PHF14: variants seen among roughly 807,000 people sequenced by gnomAD.
PHF14 encodes PHD finger protein 14.
In PHF14, 55 loss-of-function variants were observed where a neutral mutation model predicts 117.9. That is an observed-to-expected ratio of 0.47 (90% CI 0.38 to 0.58). PHF14 has a LOEUF of 0.58. PHF14 is among the 20% of genes least tolerant of loss of function. PHF14 has a pLI of 0.00. For missense variants in PHF14, 978 were observed against 1,122.2 expected, an observed-to-expected ratio of 0.87 and a Z score of 1.84; for synonymous variants, 409 against 368.6, an observed-to-expected ratio of 1.11 and a Z score of -1.26.
chr7:11,106,623 A>G (rs1263293778), intron 16 of PHF14: 3 of 982,784 alleles, frequency 3.1e-6, no homozygotes, highest in African/African-American at 3.5e-5. Context: ...TTTAATCAAA[A>G]TAATTGGCCA....
intron 16 of PHF14, among the ~76,000 whole-genome samples, chr7:11,089,183 G>A (rs1481844307): frequency 6.6e-6 from 1 of 151,700 alleles, no homozygotes; most frequent in African/African-American, 2.4e-5. Flanking sequence ...CATTGAGTAG[G>A]GCAACTCATA....
intron 16 of PHF14, among the ~76,000 whole-genome samples, chr7:11,100,542 C>T (rs1787050857): frequency 6.6e-6 from 1 of 151,860 alleles, no homozygotes; most frequent in Non-Finnish European, 1.5e-5. Flanking sequence ...AATATAATTT[C>T]TTCCCTTCCA....
chr7:11,033,621 A>C (rs964037121), intron 7 of PHF14, among the ~76,000 whole-genome samples: 38 of 152,186 alleles, frequency 2.5e-4, no homozygotes, highest in African/African-American at 8.9e-4. Context: ...TGGATATTGT[A>C]AGACAATTAG....
Position 11,035,505 on chromosome 7 carries a change from T to C in PHF14, c.1456-135T>C, listed in dbSNP as rs528459537. On this transcript the variant is annotated intron_variant, in intron 7 of 17. Transcript: ENST00000634607. ...TAATTTTTGTCATTATGTACAAAAA[T>C]TATTTTTGTAATTTATTAGATGTAA... is the stretch of plus-strand genomic sequence containing the variant. 6.3e-6 allele frequency: 3 copies of C among 475,908 alleles called. No homozygotes were observed. In the East Asian group the frequency reaches 1.0e-4, roughly 16 times the overall value. The allele number at this position is 475,908 out of a possible 1,614,324, so 29.5% of individuals were successfully genotyped here.
intron 5 of PHF14, among the ~76,000 whole-genome samples, chr7:11,017,258 G>T (rs1313373814): frequency 6.6e-6 from 1 of 151,752 alleles, no homozygotes; most frequent in Non-Finnish European, 1.5e-5. Flanking sequence ...TCTTTCGGAT[G>T]TATACCCAAC....
intron 1 of PHF14, 52 bp from the exon 2 acceptor site, chr7:10,974,783 C>A: frequency 1.1e-6 from 1 of 905,288 alleles, no homozygotes; most frequent in African/African-American, 1.7e-5. Context: ...CACAACTCTC[C>A]CCTGTGTTTG....
intron 17 of PHF14, among the ~76,000 whole-genome samples, chr7:11,132,638 T>G (rs1788120905): frequency 6.6e-6 from 1 of 151,806 alleles, no homozygotes; most frequent in South Asian, 2.1e-4. Context: ...CATATGGTCT[T>G]TCTATTTTTA....
chr7:11,117,503 C>A lies in PHF14; in HGVS notation c.2772+6036C>A, dbSNP rs566035141. ...TAAAAATCTTTAAGTAGAGGACATA[C>A]GATATTTTTAATTTTGGTTTTATTT... On this transcript the variant is annotated intron_variant, in intron 17 of 17. Coordinates refer to ENST00000634607, the MANE Select transcript of PHF14 (RefSeq NM_001007157.2). 6.8e-5 allele frequency among the ~76,000 whole-genome samples: 10 copies of A among 147,020 alleles called. No individual in the cohort carries two copies. The South Asian group carries it at 1.7e-3, about 26-fold the overall frequency.
Position 11,036,703 on chromosome 7 carries a change from T to G in PHF14, c.1873+15T>G. 1.2e-6 allele frequency: 2 copies of G among 1,600,810 alleles called. No homozygotes were observed. Among genetic ancestry groups the G allele is most frequent in the Non-Finnish European group, 1.7e-6 (2 of 1,170,782 alleles). Reference sequence around the variant, plus strand: ...TTATTATTTTGGTCAGTATAGACACTGGTACATGCACATTTTCACTGAGAA... The same window carrying G: ...TTATTATTTTGGTCAGTATAGACACGGGTACATGCACATTTTCACTGAGAA... On this transcript the variant is annotated intron_variant, in intron 9 of 17. Coordinates refer to ENST00000634607, the MANE Select transcript of PHF14 (RefSeq NM_001007157.2).
At chr7:11,016,851 G>A (rs74491987) in intron 5 of PHF14, among the ~76,000 whole-genome samples, 3,914 of 151,800 alleles carry the variant, frequency 0.026, 133 homozygotes, top group East Asian at 0.1. Flanking sequence ...CCACTTTTTC[G>A]ACTCATTAAC....
intron 7 of PHF14, 125 bp from the exon 8 acceptor site, chr7:11,035,514 TA>T: frequency 2.0e-6 from 1 of 505,048 alleles, no homozygotes; most frequent in Non-Finnish European, 3.2e-6. Flanking sequence ...ATTATTTTTG[TA>T]ATTTATTAGA....
At chr7:11,036,849 G>A in intron 9 of PHF14, 136 bp from the exon 10 acceptor site, 1 of 930,702 alleles carries the variant, frequency 1.1e-6, no homozygotes, top group Non-Finnish European at 1.6e-6. Context: ...CAAAATGCTA[G>A]GTTCATTTAT....
Position 10,982,775 on chromosome 7 carries a change from T to A in PHF14, c.516T>A (p.Ala172=). 1 of 1,613,860 alleles carries A rather than the reference T, an allele frequency of 6.2e-7. No individual in the cohort carries two copies. The highest frequency in any genetic ancestry group is 1.1e-5 in the South Asian group (1 of 91,074). The change falls in exon 3 of 18, where the codon GCT becomes GCA. Residue 172 remains alanine, a synonymous_variant. Coordinates refer to ENST00000634607, the MANE Select transcript of PHF14 (RefSeq NM_001007157.2). ...CTTCTGTTCCCACTACGACAACCGC[T>A]ACAGAGGAACAAGTCAGCGAGCCAA... ...TSPSVPTTTT[A]TEEQVSEPKK...
rs751505045 is a variant in PHF14, at chr7:11,130,374, G to A, written c.2772+18907G>A. On this transcript the variant is annotated intron_variant, in intron 17 of 17. Coordinates refer to ENST00000634607, the MANE Select transcript of PHF14 (RefSeq NM_001007157.2). This position sits in a 1 kb window ranked among gnomAD's most constrained non-coding sequence, Gnocchi z 4.2. Reference sequence around the variant, plus strand: ...GGAAATCCTTGGAGAGAGAGAGAACGTATATACAATTTATATGGGGGAAAC... The same window carrying A: ...GGAAATCCTTGGAGAGAGAGAGAACATATATACAATTTATATGGGGGAAAC... Among the ~76,000 whole-genome samples, 2 of 151,936 alleles carry A rather than the reference G, an allele frequency of 1.3e-5. No homozygotes were observed. Among genetic ancestry groups the A allele is most frequent in the Non-Finnish European group, 1.5e-5 (1 of 67,942 alleles).
At chr7:11,151,066 C>G (rs1788688841) in intron 17 of PHF14, among the ~76,000 whole-genome samples, 1 of 151,848 alleles carries the variant, frequency 6.6e-6, no homozygotes, top group South Asian at 2.1e-4. Flanking sequence ...AAAATAGAAT[C>G]TTAGACAAAA....
rs773360248 is a variant in PHF14 at position 10,982,720 on chromosome 7, C to G, written c.461C>G (p.Ala154Gly). ...VAASAAATTP[A>G]TSPPAVNTSP... ...GCTTCTGCTGCTGCCACCACACCAG[C>G]CACAAGTCCTCCTGCTGTTAACACA... The change falls in exon 3 of 18, where the codon GCC becomes GGC. Residue 154 changes from alanine to glycine, a missense_variant. Physicochemically the swap from Ala to Gly is moderately conservative, Grantham distance 60. Coordinates refer to ENST00000634607, the MANE Select transcript of PHF14 (RefSeq NM_001007157.2). 6.8e-6 allele frequency: 11 copies of G among 1,612,556 alleles called. No homozygotes were observed. Among genetic ancestry groups the G allele is most frequent in the Middle Eastern group, 1.6e-4 (1 of 6,062 alleles).
intron 16 of PHF14, among the ~76,000 whole-genome samples, chr7:11,088,628 A>G (rs937568197): frequency 1.3e-5 from 2 of 152,062 alleles, no homozygotes; most frequent in Non-Finnish European, 2.9e-5. Context: ...ATTTTTTTTA[A>G]TCATAATAAC....
intron 17 of PHF14, among the ~76,000 whole-genome samples, chr7:11,168,174 C>T (rs929065877): frequency 6.6e-6 from 1 of 152,110 alleles, no homozygotes; most frequent in African/African-American, 2.4e-5. Context: ...GGCTATCATA[C>T]TTGGAAAAAT....
intron 16 of PHF14, chr7:11,104,038 A>G (rs927833185): frequency 3.0e-6 from 3 of 985,028 alleles, no homozygotes; most frequent in Non-Finnish European, 3.6e-6. Flanking sequence ...GCCATTTTCT[A>G]AGTGGAATAT....
Sources: allele counts gnomAD v4.1 joint callset (sites outside exome capture counted in the v4.1 genomes callset), GRCh38; gene constraint gnomAD v4.1.1; non-coding constraint Gnocchi (gnomAD v3.1); transcripts MANE v1.5; gene names NCBI Gene and HGNC (gene_info 2026-07-23, HGNC 2026-07-21).